Variants in MEIS2 observed in about 807,000 individuals in gnomAD.
MEIS2 encodes the protein homeobox protein Meis2.
A neutral mutation model predicts 58.6 loss-of-function variants in MEIS2; 9 were observed. That is an observed-to-expected ratio of 0.15 (90% CI 0.09 to 0.27). The LOEUF (loss-of-function observed/expected upper bound fraction) is 0.27, where lower values mean the gene tolerates loss of function less well. MEIS2 is among the 10% of genes least tolerant of loss of function. The probability of loss-of-function intolerance (pLI) is 1.00; values close to 1 mark genes in which losing one functional copy is unlikely to be tolerated. For synonymous variants in MEIS2, 221 were observed against 228.4 expected, an observed-to-expected ratio of 0.97 and a Z score of 0.29; for missense variants, 427 against 635.0, an observed-to-expected ratio of 0.67 and a Z score of 3.52.
chr15:36,923,496 G>T lies in MEIS2; in HGVS notation c.978-26810C>A, dbSNP rs141536763. Among the ~76,000 whole-genome samples the T allele has an allele frequency of 7.6e-3, 1,151 of 152,256 alleles. 13 individuals carry two copies. Among genetic ancestry groups the T allele is most frequent in the African/African-American group, 0.027 (1,107 of 41,560 alleles). On this transcript the variant is annotated intron_variant, in intron 9 of 11. Coordinates refer to ENST00000561208, the MANE Select transcript of MEIS2 (RefSeq NM_170675.5). ...AGTCAAGCTATCCCTGATGCCCCATGATTCAAGCTGTGCAATGTCTTCCAA... is the reference window on the plus strand; with the variant it reads ...AGTCAAGCTATCCCTGATGCCCCATTATTCAAGCTGTGCAATGTCTTCCAA...
intron 9 of MEIS2, among the ~76,000 whole-genome samples, chr15:36,899,386 T>C (rs1054190988): frequency 1.3e-5 from 2 of 152,156 alleles, no homozygotes; most frequent in African/African-American, 2.4e-5. Flanking sequence ...TACTGATGAC[T>C]CAGAGGCCAC....
intron 8 of MEIS2, among the ~76,000 whole-genome samples, chr15:37,026,825 A>T (rs2061724196): frequency 6.6e-6 from 1 of 152,218 alleles, no homozygotes; most frequent in Non-Finnish European, 1.5e-5. Flanking sequence ...ATCTATTATA[A>T]CCAAGAAGTA....
chr15:36,967,600 A>C (rs1422280705), intron 8 of MEIS2, among the ~76,000 whole-genome samples: 7 of 152,184 alleles, frequency 4.6e-5, no homozygotes, highest in Admixed American at 3.3e-4. Flanking sequence ...CACCAATAAA[A>C]CAGATTCTTG....
rs574386772 is a variant in MEIS2 at position 37,011,607 on chromosome 15, GTTTTTTTTTTTTTTTTT to G, written c.900+25190_900+25206del. 6.3e-4 allele frequency among the ~76,000 whole-genome samples: 42 copies of G among 66,764 alleles called. 1 individual carries two copies. The highest frequency in any genetic ancestry group is 2.1e-3 in the African/African-American group (33 of 15,420). The allele number at this position is 66,764 out of a possible 152,430, so 43.8% of individuals were successfully genotyped here. On this transcript the variant is annotated intron_variant, in intron 8 of 11. Transcript: ENST00000561208. ...GTTTACAGACCAGCATCTATCAGTG[GTTTTTTTTTTTTTTTTT>G]TTTTTTTTTTTTTGAGATGGAGTCT...
At chr15:37,083,419 T>C (rs1673396230) in intron 7 of MEIS2, among the ~76,000 whole-genome samples, 1 of 152,196 alleles carries the variant, frequency 6.6e-6, no homozygotes, top group Non-Finnish European at 1.5e-5. Flanking sequence ...ACAGGCAAAA[T>C]ATGCTATTTA....
At chr15:37,003,850 C>T (rs1403988384) in intron 8 of MEIS2, among the ~76,000 whole-genome samples, 1 of 152,136 alleles carries the variant, frequency 6.6e-6, no homozygotes, top group African/African-American at 2.4e-5. Context: ...GCTCCCTCAC[C>T]CCTTCTGCCA....
At chr15:36,972,054 A>G (rs1372962406) in intron 8 of MEIS2, among the ~76,000 whole-genome samples, 1 of 152,256 alleles carries the variant, frequency 6.6e-6, no homozygotes, top group Admixed American at 6.5e-5. Flanking sequence ...ACAATATAGT[A>G]ACAGAAACTA....
At chr15:37,100,766 A>AGGGAGAGAGGGAGAGG, upstream of MEIS2, 1 of 151,020 alleles carries the variant, frequency 6.6e-6, no homozygotes, top group Admixed American at 6.6e-5. Flanking sequence ...GCGCGCGAAC[A>AGGGAGAGAGGGAGAGG]GGGAGAGAGG....
At chr15:37,069,069 T>C (rs1890336245) in intron 7 of MEIS2, among the ~76,000 whole-genome samples, 1 of 152,238 alleles carries the variant, frequency 6.6e-6, no homozygotes, top group Non-Finnish European at 1.5e-5. Context: ...ATTTCTTTTT[T>C]TCTTTTTTGC....
intron 8 of MEIS2, among the ~76,000 whole-genome samples, chr15:36,976,184 A>G (rs2059745693): frequency 6.6e-6 from 1 of 151,996 alleles, no homozygotes; most frequent in Admixed American, 6.6e-5. Context: ...TCTCGGGTTC[A>G]AGCAACTCTC....
Position 36,892,400 on chromosome 15 carries a change from C to T in MEIS2, c.1207G>A (p.Ala403Thr). 2 of 1,613,842 alleles carry T rather than the reference C, an allele frequency of 1.2e-6. No individual in the cohort carries two copies. The highest frequency in any genetic ancestry group is 1.7e-6 in the Non-Finnish European group (2 of 1,179,928). Reference sequence around the variant, plus strand: ...TGGGGAGGAGTGTAACTTGGCTGTGCCATACTCATTCCCATAGGACCACCC... The same window carrying T: ...TGGGGAGGAGTGTAACTTGGCTGTGTCATACTCATTCCCATAGGACCACCC... ...SQGGPMGMSM[A>T]QPSYTPPQMT... Residue 403 changes from alanine (A) to threonine (T), a missense_variant, in exon 12 of 12, where the codon GCA (alanine) becomes ACA (threonine). Physicochemically the swap from Ala to Thr is moderately conservative, Grantham distance 58. Around this residue, in one of 6 missense-constraint regions of MEIS2, gnomAD observed 154 missense variants for 148.1 expected, o/e 1.04. Transcript: ENST00000561208.
Position 37,032,061 on chromosome 15 carries a change from A to G in MEIS2, c.900+4753T>C, listed in dbSNP as rs192012174. Among the ~76,000 whole-genome samples the G allele has an allele frequency of 6.3e-3, 955 of 152,180 alleles. 7 individuals carry two copies. The highest frequency in any genetic ancestry group is 0.011 in the Non-Finnish European group (733 of 68,010). ...CATTATGTTGCCCAGGCTGGTGTCAAACTCCTAGCCCCAAGCGATCCTCCC... is the reference window on the plus strand; with the variant it reads ...CATTATGTTGCCCAGGCTGGTGTCAGACTCCTAGCCCCAAGCGATCCTCCC... On this transcript the variant is annotated intron_variant, in intron 8 of 11. Transcript: ENST00000561208.
At chr15:36,936,263 C>T (rs940941992) in intron 9 of MEIS2, among the ~76,000 whole-genome samples, 11 of 108,986 alleles carry the variant, frequency 1.0e-4, no homozygotes, top group African/African-American at 3.0e-4. Context: ...GGTGCGATCT[C>T]GGCTCACTGC....
chr15:36,997,687 T>C (rs901676351), intron 8 of MEIS2, among the ~76,000 whole-genome samples: 6 of 152,212 alleles, frequency 3.9e-5, no homozygotes, highest in African/African-American at 9.6e-5. Flanking sequence ...TTCGCCGTGT[T>C]AGCCAGGATG....
At chr15:37,092,684 T>TCACTA (rs1187395354) in intron 6 of MEIS2, among the ~76,000 whole-genome samples, 7 of 139,994 alleles carry the variant, frequency 5.0e-5, no homozygotes, top group African/African-American at 1.8e-4. Context: ...ATTTTCAGTC[T>TCACTA]CACTACATAT....
At chr15:36,969,242 T>C (rs1253283185) in intron 8 of MEIS2, among the ~76,000 whole-genome samples, 1 of 152,218 alleles carries the variant, frequency 6.6e-6, no homozygotes. Context: ...AGAGGAAATG[T>C]AGATAAAAAT....
chr15:37,062,030 TA>T (rs1889284070), intron 7 of MEIS2, among the ~76,000 whole-genome samples: 2 of 152,186 alleles, frequency 1.3e-5, no homozygotes, highest in Non-Finnish European at 2.9e-5. Context: ...CCTGACACAC[TA>T]GTGTCAGTCA....
intron 2 of MEIS2, among the ~76,000 whole-genome samples, chr15:37,096,917 A>AC (rs1405730812): frequency 2.0e-5 from 3 of 152,142 alleles, no homozygotes; most frequent in African/African-American, 7.2e-5. Context: ...ACCTACATAC[A>AC]CACCGGAGTG....
chr15:36,981,587 T>TGG (rs1244233253), intron 8 of MEIS2, among the ~76,000 whole-genome samples: 2 of 152,098 alleles, frequency 1.3e-5, no homozygotes, highest in African/African-American at 4.8e-5. Context: ...CGTGTGTGTG[T>TGG]GCGTGCTTGC....
Sources: allele counts gnomAD v4.1 joint callset (sites outside exome capture counted in the v4.1 genomes callset), GRCh38; gene constraint gnomAD v4.1.1; regional missense constraint gnomAD v4.1.1; transcripts MANE v1.5; gene names NCBI Gene and HGNC (gene_info 2026-07-23, HGNC 2026-07-21).